Variants in CR1 observed in about 807,000 individuals in gnomAD.
CR1 encodes the protein complement receptor type 1.
CR1 carries 116 observed loss-of-function variants against 187.3 expected under a neutral mutation model. The ratio of observed to expected loss-of-function variants is 0.62; its 90% CI spans 0.53 to 0.72. CR1 has a LOEUF of 0.72. Among genes scored for constraint, CR1 ranks in the 30% least tolerant of loss-of-function variants. The pLI, the probability that CR1 is intolerant of heterozygous loss-of-function variation, is 0.00. For synonymous variants in CR1, 576 were observed against 747.1 expected (o/e 0.77, Z 3.73); for missense variants, 1,731 against 2,110.7 (o/e 0.82, Z 3.52).
At chr1:207,574,891 A>G (rs1455116986) in intron 27 of CR1, among the ~76,000 whole-genome samples, 6 of 152,232 alleles carry the variant, frequency 3.9e-5, no homozygotes, top group Non-Finnish European at 8.8e-5. Context: ...TATCTCTTCC[A>G]TATAGCAAGT....
chr1:207,584,155 G>T (rs1411228202), intron 32 of CR1, among the ~76,000 whole-genome samples: 1 of 151,422 alleles, frequency 6.6e-6, no homozygotes, highest in Non-Finnish European at 1.5e-5. Flanking sequence ...ATCATAGCCT[G>T]GCATCATCAA....
intron 1 of CR1, among the ~76,000 whole-genome samples, chr1:207,501,918 G>GA (rs554414151): frequency 0.033 from 4,751 of 145,634 alleles, 229 homozygotes; most frequent in African/African-American, 0.11. Context: ...TTTACTCAGT[G>GA]TTTTTTTTTT....
intron 1 of CR1, among the ~76,000 whole-genome samples, chr1:207,502,686 G>A (rs1290378112): frequency 6.6e-6 from 1 of 152,194 alleles, no homozygotes; most frequent in Admixed American, 6.5e-5. Context: ...GTGTGATGAT[G>A]GATACAGGCT....
chr1:207,602,696 T>G (rs975971972), intron 35 of CR1, among the ~76,000 whole-genome samples: 1 of 151,986 alleles, frequency 6.6e-6, no homozygotes. Context: ...GATATACATA[T>G]AGATATAGAT....
chr1:207,574,337 C>T (rs1660669107), intron 27 of CR1, among the ~76,000 whole-genome samples: 2 of 152,020 alleles, frequency 1.3e-5, no homozygotes, highest in Admixed American at 1.3e-4. Context: ...TTATTGACAC[C>T]ACATTGATTC....
At chr1:207,508,598 T>C (rs1659520068) in intron 3 of CR1, among the ~76,000 whole-genome samples, 1 of 152,250 alleles carries the variant, frequency 6.6e-6, no homozygotes, top group Non-Finnish European at 1.5e-5. Flanking sequence ...TTCAATATCT[T>C]AATGTTGATG....
intron 5 of CR1, among the ~76,000 whole-genome samples, chr1:207,525,050 C>T (rs1384070997): frequency 2.0e-5 from 3 of 152,078 alleles, no homozygotes; most frequent in African/African-American, 7.2e-5. Flanking sequence ...TCTTCATATG[C>T]TTGGCAGGAG....
At chr1:207,510,996 A>T (rs1326915259) in intron 3 of CR1, among the ~76,000 whole-genome samples, 1 of 151,454 alleles carries the variant, frequency 6.6e-6, no homozygotes, top group Non-Finnish European at 1.5e-5. Flanking sequence ...TTTTTTATAA[A>T]TTTTTTGTAC....
intron 35 of CR1, among the ~76,000 whole-genome samples, chr1:207,604,070 G>A (rs1351128246): frequency 6.6e-6 from 1 of 152,104 alleles, no homozygotes; most frequent in African/African-American, 2.4e-5. Flanking sequence ...TTATATTACT[G>A]CTAGGTTTTG....
intron 4 of CR1, among the ~76,000 whole-genome samples, chr1:207,517,242 G>A (rs1659834170): frequency 1.3e-5 from 2 of 152,070 alleles, no homozygotes; most frequent in South Asian, 4.1e-4. Context: ...TGTTGCTTGT[G>A]ATGTGTTATA....
chr1:207,498,400 G>C (rs911232408), intron 1 of CR1, among the ~76,000 whole-genome samples: 2 of 152,136 alleles, frequency 1.3e-5, no homozygotes, highest in African/African-American at 4.8e-5. Context: ...AGCTAGGATT[G>C]TTTTGTTATT....
At chr1:207,577,751 A>G in intron 28 of CR1, 54 bp from the exon 29 acceptor site, 3 of 1,603,984 alleles carry the variant, frequency 1.9e-6, no homozygotes, top group Admixed American at 3.5e-5. Flanking sequence ...CCTGGGTGAC[A>G]GCAAGACTCT....
At chr1:207,516,144 C>A (rs572962006) in intron 4 of CR1, among the ~76,000 whole-genome samples, 26 of 152,302 alleles carry the variant, frequency 1.7e-4, no homozygotes, top group African/African-American at 6.3e-4. Flanking sequence ...ATCCCTTGAG[C>A]ACAGAGGTTC....
At chr1:207,506,873 T>A in intron 3 of CR1, 60 bp downstream of exon 3, 1 of 1,341,726 alleles carries the variant, frequency 7.5e-7, no homozygotes, top group Non-Finnish European at 1.1e-6. Flanking sequence ...ACAGCCTTAC[T>A]ACCTTCTAGT....
chr1:207,526,838 C>T lies in CR1; in HGVS notation c.972C>T (p.Tyr324=). The change falls in exon 6 of 47, where the codon TAC becomes TAT. Residue 324 remains tyrosine (Y), a synonymous_variant. Coordinates refer to ENST00000367049, the MANE Select transcript of CR1 (RefSeq NM_000651.6). The stretch of plus-strand genomic sequence containing the variant: ...TTTCACCTGGGCAGGAAGTGTTCTA[C>T]AGCTGTGAGCCCGGCTACGACCTCA... ...DNFSPGQEVF[Y]SCEPGYDLRG... 6.7e-7 allele frequency: 1 copy of T among 1,494,250 alleles called. No individual in the cohort carries two copies. The highest frequency in any genetic ancestry group is 8.9e-7 in the Non-Finnish European group (1 of 1,127,632). The allele number at this position is 1,494,250 out of a possible 1,614,324, so 92.6% of individuals were successfully genotyped here. A position where few individuals can be genotyped will look rare whatever the true frequency, so the allele number is the denominator to read the frequency against.
At chr1:207,633,248 T>A (rs1301144399) in intron 46 of CR1, among the ~76,000 whole-genome samples, 1 of 152,126 alleles carries the variant, frequency 6.6e-6, no homozygotes, top group Non-Finnish European at 1.5e-5. Flanking sequence ...ACTACACCAT[T>A]TAAAAAATAA....
intron 4 of CR1, among the ~76,000 whole-genome samples, chr1:207,514,992 TATAC>T (rs760844058): frequency 5.2e-5 from 6 of 116,198 alleles, no homozygotes; most frequent in East Asian, 2.6e-4. Flanking sequence ...TATATATATA[TATAC>T]ACACACACAC....
intron 3 of CR1, among the ~76,000 whole-genome samples, chr1:207,507,837 G>A (rs1659491615): frequency 6.6e-6 from 1 of 152,098 alleles, no homozygotes. Context: ...GCACACAGAT[G>A]TTTATAACAG....
At chr1:207,496,766 T>C (rs1194870373) in intron 1 of CR1, among the ~76,000 whole-genome samples, 1 of 152,206 alleles carries the variant, frequency 6.6e-6, no homozygotes, top group African/African-American at 2.4e-5. Flanking sequence ...CCGACAAACC[T>C]GAGTTCTGGT....
Sources: gnomAD v4.1 joint callset for allele counts (sites outside exome capture counted in the v4.1 genomes callset) on GRCh38, gnomAD v4.1.1 for gene constraint, MANE v1.5 for transcripts, NCBI Gene and HGNC (gene_info 2026-07-23, HGNC 2026-07-21) for gene names.